SGCZ: variants seen among roughly 807,000 people sequenced by gnomAD.
SGCZ encodes zeta-sarcoglycan.
A neutral mutation model predicts 41.3 loss-of-function variants in SGCZ; 40 were observed. That is an observed-to-expected ratio of 0.97 (90% confidence interval 0.75 to 1.26). The LOEUF (loss-of-function observed/expected upper bound fraction) is 1.26, where lower values mean the gene tolerates loss of function less well. Among genes scored for constraint, SGCZ ranks in the 50% most tolerant of loss-of-function variants. The pLI is 0.00. For missense variants in SGCZ, 552 were observed against 369.8 expected (o/e 1.49, Z -4.04); for synonymous variants, 206 against 137.5 (o/e 1.50, Z -3.49).
chr8:14,944,956 T>C (rs757728185), intron 1 of SGCZ, among the ~76,000 whole-genome samples: 1 of 152,286 alleles, frequency 6.6e-6, no homozygotes, highest in Middle Eastern at 3.4e-3. Flanking sequence ...CAGTTCCTTT[T>C]AGGCAACCTG....
At chr8:14,756,185 ATTT>A (rs34700961) in intron 1 of SGCZ, among the ~76,000 whole-genome samples, 2 of 136,136 alleles carry the variant, frequency 1.5e-5, no homozygotes, top group Admixed American at 7.6e-5. Flanking sequence ...GTAGAAGTAA[ATTT>A]TTTTTTTTTT....
intron 1 of SGCZ, among the ~76,000 whole-genome samples, chr8:14,610,398 ATTC>A (rs1330414296): frequency 1.3e-5 from 2 of 152,176 alleles, no homozygotes; most frequent in Non-Finnish European, 2.9e-5. Context: ...TCTTAGAATA[ATTC>A]TTCTTCTTTA....
At chr8:14,124,252 A>G (rs1802784505) in intron 5 of SGCZ, among the ~76,000 whole-genome samples, 1 of 152,158 alleles carries the variant, frequency 6.6e-6, no homozygotes, top group Admixed American at 6.5e-5. Context: ...CGAGCTTGAA[A>G]TATTTTTTCC....
chr8:14,599,831 ATAT>A (rs1193385529), intron 1 of SGCZ, among the ~76,000 whole-genome samples: 2 of 152,078 alleles, frequency 1.3e-5, no homozygotes, highest in Non-Finnish European at 2.9e-5. Context: ...AACATGCAAT[ATAT>A]TTTTCCATCA....
At chr8:15,042,897 T>A (rs1178066324) in intron 1 of SGCZ, among the ~76,000 whole-genome samples, 1 of 152,160 alleles carries the variant, frequency 6.6e-6, no homozygotes, top group Non-Finnish European at 1.5e-5. Context: ...GCATATATTG[T>A]TTGTTTTATT....
At chr8:14,175,993 C>T (rs543713779) in intron 4 of SGCZ, among the ~76,000 whole-genome samples, 4 of 152,060 alleles carry the variant, frequency 2.6e-5, no homozygotes, top group South Asian at 4.2e-4. Flanking sequence ...CTAGAATCAC[C>T]GTGAATCTAT....
chr8:14,917,038 TCAAA>T (rs1799458838), intron 1 of SGCZ, among the ~76,000 whole-genome samples: 1 of 152,102 alleles, frequency 6.6e-6, no homozygotes, highest in Admixed American at 6.5e-5. Context: ...TCACAGCTTT[TCAAA>T]CAGACAGCTT....
intron 1 of SGCZ, among the ~76,000 whole-genome samples, chr8:14,778,347 T>C (rs1246246090): frequency 2.0e-5 from 3 of 152,144 alleles, no homozygotes; most frequent in African/African-American, 7.2e-5. Flanking sequence ...ACTGGTCACT[T>C]GAGGACCTAA....
At chr8:15,213,864 T>C (rs1801314491) in intron 1 of SGCZ, among the ~76,000 whole-genome samples, 1 of 152,016 alleles carries the variant, frequency 6.6e-6, no homozygotes, top group Non-Finnish European at 1.5e-5. Context: ...TAGGACCATA[T>C]TTCTCTTTTT....
chr8:15,015,645 G>A (rs1266506362), intron 1 of SGCZ, among the ~76,000 whole-genome samples: 7 of 131,376 alleles, frequency 5.3e-5, no homozygotes, highest in East Asian at 4.6e-4. Context: ...CCGAAATCAC[G>A]CCACTGCACT....
intron 2 of SGCZ, among the ~76,000 whole-genome samples, chr8:14,341,384 T>C (rs367949694): frequency 6.0e-4 from 91 of 152,348 alleles, no homozygotes; most frequent in African/African-American, 1.8e-3. Context: ...TTTACATCTC[T>C]CTCAGCAATG....
chr8:14,469,691 C>T (rs1801160180), intron 2 of SGCZ, among the ~76,000 whole-genome samples: 2 of 152,080 alleles, frequency 1.3e-5, no homozygotes, highest in South Asian at 2.1e-4. Flanking sequence ...AACCTCACCC[C>T]TGGCTTTCAG....
At chr8:14,432,385 C>T (rs1799967401) in intron 2 of SGCZ, among the ~76,000 whole-genome samples, 1 of 152,098 alleles carries the variant, frequency 6.6e-6, no homozygotes, top group South Asian at 2.1e-4. Flanking sequence ...GCAGTGACCT[C>T]GATGAGACTG....
chr8:14,085,289 A>G lies in SGCZ; in HGVS notation c.*5154T>C, dbSNP rs1295845899. Among the ~76,000 whole-genome samples, 1 of 151,814 alleles carries G rather than the reference A, an allele frequency of 6.6e-6. No individual in the cohort carries two copies. Among genetic ancestry groups the G allele is most frequent in the Admixed American group, 6.6e-5 (1 of 15,202 alleles). On this transcript the variant is annotated 3_prime_UTR_variant, in exon 8 of 8. Transcript: ENST00000382080. The stretch of plus-strand genomic sequence containing the variant: ...TATCTATATATACAAGAAAACATTT[A>G]CATGAAAGTACAAAACAAAATAAAT...
At chr8:14,103,061 A>G (rs1802083998) in intron 6 of SGCZ, among the ~76,000 whole-genome samples, 1 of 152,160 alleles carries the variant, frequency 6.6e-6, no homozygotes, top group Admixed American at 6.5e-5. Flanking sequence ...GAAATAAGAC[A>G]TTTTCTACAT....
intron 1 of SGCZ, among the ~76,000 whole-genome samples, chr8:14,714,213 C>T (rs974912716): frequency 2.8e-4 from 42 of 152,016 alleles, no homozygotes; most frequent in Non-Finnish European, 4.4e-4. Flanking sequence ...CTGATCTGCC[C>T]GTCTCGGCCT....
In SGCZ at chr8:15,054,931, C is replaced by T. The variant is rs185202186; in HGVS notation, c.39+182654G>A. 1.0e-4 allele frequency among the ~76,000 whole-genome samples: 15 copies of T among 150,208 alleles called. No homozygotes were observed. In the East Asian group the frequency reaches 2.0e-3, roughly 20 times the overall value. On this transcript the variant is annotated intron_variant, in intron 1 of 7. Coordinates refer to ENST00000382080, the MANE Select transcript of SGCZ (RefSeq NM_139167.4). Reference sequence around the variant, plus strand: ...GAGTCAAAATTGTGCCACTGCACTCCAGCCTGGGCAACAGAGCAAGACTCC... The same window carrying T: ...GAGTCAAAATTGTGCCACTGCACTCTAGCCTGGGCAACAGAGCAAGACTCC...
At chr8:14,591,120 A>G (rs1263694078) in intron 1 of SGCZ, among the ~76,000 whole-genome samples, 2 of 151,662 alleles carry the variant, frequency 1.3e-5, no homozygotes, top group South Asian at 2.1e-4. Context: ...AATCTTATTC[A>G]CTATTCAATG....
chr8:15,155,523 A>G (rs1799303883), intron 1 of SGCZ, among the ~76,000 whole-genome samples: 1 of 152,190 alleles, frequency 6.6e-6, no homozygotes, highest in Non-Finnish European at 1.5e-5. Flanking sequence ...ATGTATTCAC[A>G]AGTAAGTTGA....
Sources: gnomAD v4.1 joint callset for allele counts (sites outside exome capture counted in the v4.1 genomes callset) on GRCh38, gnomAD v4.1.1 for gene constraint, MANE v1.5 for transcripts, NCBI Gene and HGNC (gene_info 2026-07-23, HGNC 2026-07-21) for gene names.